The following LPP variants were observed in gnomAD, a reference collection of about 807,000 sequenced individuals.
The protein encoded by LPP is lipoma-preferred partner.
LPP carries 38 observed loss-of-function variants against 60.4 expected under a neutral mutation model. The ratio of observed to expected loss-of-function variants is 0.63; its 90% CI spans 0.49 to 0.83. The LOEUF (loss-of-function observed/expected upper bound fraction) is 0.83, where lower values mean the gene tolerates loss of function less well. Ranked by LOEUF, LPP falls within the 40% of genes least tolerant of loss-of-function variation. The pLI is 0.00. For missense variants in LPP, 902 were observed against 783.6 expected, an observed-to-expected ratio of 1.15 and a Z score of -1.80; for synonymous variants, 328 against 290.8, an observed-to-expected ratio of 1.13 and a Z score of -1.30.
At chr3:188,855,093 C>T (rs1763511926) in intron 9 of LPP, among the ~76,000 whole-genome samples, 1 of 152,166 alleles carries the variant, frequency 6.6e-6, no homozygotes, top group South Asian at 2.1e-4. Flanking sequence ...TAGACAAATA[C>T]TGTAAGTAAA....
chr3:188,231,711 A>G (rs969552403), intron 2 of LPP, among the ~76,000 whole-genome samples: 3 of 151,978 alleles, frequency 2.0e-5, no homozygotes, highest in Non-Finnish European at 4.4e-5. Context: ...ACCGCTCCAC[A>G]CAGTCTCTGC....
At chr3:188,670,293 G>C (rs1389734250) in intron 7 of LPP, among the ~76,000 whole-genome samples, 1 of 152,022 alleles carries the variant, frequency 6.6e-6, no homozygotes, top group Non-Finnish European at 1.5e-5. Flanking sequence ...AATTTAAAAA[G>C]TCACACTATT....
intron 6 of LPP, among the ~76,000 whole-genome samples, chr3:188,605,218 T>G (rs189809005): frequency 3.4e-4 from 52 of 152,294 alleles, no homozygotes; most frequent in Non-Finnish European, 6.2e-4. Context: ...TTGGATGTTT[T>G]TAGAGAATTC....
chr3:188,201,733 G>C (rs1177611010), intron 1 of LPP, among the ~76,000 whole-genome samples: 1 of 151,992 alleles, frequency 6.6e-6, no homozygotes, highest in Non-Finnish European at 1.5e-5. Context: ...AGCATAATGG[G>C]GTGTCTTCTG....
intron 9 of LPP, among the ~76,000 whole-genome samples, chr3:188,848,822 C>T (rs532864915): frequency 6.6e-6 from 1 of 152,032 alleles, no homozygotes; most frequent in East Asian, 1.9e-4. Context: ...AAAAATTAGC[C>T]GGGCATGGTG....
chr3:188,338,734 CTT>C lies in LPP; in HGVS notation c.-66-2928_-66-2927del, dbSNP rs564533802. Among the ~76,000 whole-genome samples the C allele has an allele frequency of 5.9e-3, 903 of 152,186 alleles. 11 individuals are homozygous for C. The highest frequency in any genetic ancestry group is 0.021 in the African/African-American group (876 of 41,530). Reference sequence around the variant, plus strand: ...TTAGTGGGAGTTTTTATAAGATACTCTTATATTGCTTATTGAGGTACTAAAGC... The same window carrying C: ...TTAGTGGGAGTTTTTATAAGATACTCATATTGCTTATTGAGGTACTAAAGC... On this transcript the variant is annotated intron_variant, in intron 2 of 11. Coordinates refer to ENST00000617246, the MANE Select transcript of LPP (RefSeq NM_001375462.1).
At chr3:188,659,141 A>G (rs1296942441) in intron 7 of LPP, among the ~76,000 whole-genome samples, 2 of 152,188 alleles carry the variant, frequency 1.3e-5, no homozygotes, top group African/African-American at 4.8e-5. Flanking sequence ...GTGTAAAATA[A>G]CCTGTTAGGT....
chr3:188,789,854 C>T (rs979166536), intron 9 of LPP, among the ~76,000 whole-genome samples: 2 of 151,992 alleles, frequency 1.3e-5, no homozygotes, highest in Non-Finnish European at 2.9e-5. Context: ...TAAAGAAATA[C>T]AGTTTAAAAT....
intron 7 of LPP, among the ~76,000 whole-genome samples, chr3:188,679,560 T>TGC (rs1207386010): frequency 6.9e-4 from 59 of 85,642 alleles, no homozygotes; most frequent in South Asian, 3.8e-3. Context: ...TGTGTGTGTG[T>TGC]GTGCGCGCGC....
At chr3:188,568,892 G>A (rs981818038) in intron 6 of LPP, 2 of 152,064 alleles carry the variant, frequency 1.3e-5, no homozygotes, top group African/African-American at 4.8e-5. Flanking sequence ...GGGCCTGAAG[G>A]GTGGAGAGGG....
At position 188,577,070 on chromosome 3, in the gene LPP, A is replaced by G. The variant is rs190594205; in HGVS notation, c.430-32091A>G. On this transcript the variant is annotated intron_variant, in intron 6 of 11. Transcript: ENST00000617246. ...AGAAAGGAGTAAGAAGCATTTTGGA[A>G]GTGGCAAAGTGGCAATAATCCCCTG... Among the ~76,000 whole-genome samples, 3 of 152,276 alleles carry G rather than the reference A, an allele frequency of 2.0e-5. No individual in the cohort carries two copies. In the East Asian group the frequency reaches 5.8e-4, roughly 29 times the overall value.
intron 5 of LPP, among the ~76,000 whole-genome samples, chr3:188,506,832 C>T (rs561520950): frequency 1.3e-5 from 2 of 152,166 alleles, no homozygotes; most frequent in South Asian, 4.2e-4. Context: ...GAGTCTTGCT[C>T]TGTTGCCCAG....
intron 2 of LPP, among the ~76,000 whole-genome samples, chr3:188,266,224 C>A (rs1177276670): frequency 1.3e-5 from 2 of 152,110 alleles, no homozygotes; most frequent in Non-Finnish European, 2.9e-5. Context: ...ATAAACCAGT[C>A]ACTCCAAAGG....
At chr3:188,497,455 C>T (rs1428159504) in intron 5 of LPP, among the ~76,000 whole-genome samples, 1 of 152,048 alleles carries the variant, frequency 6.6e-6, no homozygotes, top group Non-Finnish European at 1.5e-5. Flanking sequence ...TATGTCATCC[C>T]CATATTTAGA....
At chr3:188,662,595 G>T (rs1314464526) in intron 7 of LPP, among the ~76,000 whole-genome samples, 1 of 152,210 alleles carries the variant, frequency 6.6e-6, no homozygotes, top group Non-Finnish European at 1.5e-5. Context: ...TGACTTTATG[G>T]TAGCTATTAA....
intron 7 of LPP, among the ~76,000 whole-genome samples, chr3:188,678,876 C>G (rs950585876): frequency 1.3e-5 from 2 of 152,162 alleles, no homozygotes; most frequent in Non-Finnish European, 2.9e-5. Context: ...TATAAGTCTG[C>G]AGATGTAGGT....
chr3:188,451,010 A>C (rs753690560), intron 4 of LPP, among the ~76,000 whole-genome samples: 1 of 151,876 alleles, frequency 6.6e-6, no homozygotes, highest in Non-Finnish European at 1.5e-5. Context: ...ATCATAGTGC[A>C]TTTTAATATT....
At position 188,310,217 on chromosome 3, in the gene LPP, C is replaced by CT. The variant is rs556392757; in HGVS notation, c.-66-31430dup. Among the ~76,000 whole-genome samples the CT allele has an allele frequency of 8.1e-3, 1,083 of 133,626 alleles. 5 individuals carry two copies. The highest frequency in any genetic ancestry group is 0.028 in the South Asian group (118 of 4,142). 87.7% of individuals were successfully genotyped at this position (133,626 alleles called of 152,430 possible). A position where few individuals can be genotyped will look rare whatever the true frequency, so the allele number is the denominator to read the frequency against. ...GTGAGTTTTTGTTAAAGTTGTCTTTCTTTTTTTTTTTTTTTTCTTCTTCTG... is the reference window on the plus strand; with the variant it reads ...GTGAGTTTTTGTTAAAGTTGTCTTTCTTTTTTTTTTTTTTTTTCTTCTTCTG... On this transcript the variant is annotated intron_variant, in intron 2 of 11. Transcript: ENST00000617246.
rs1769028250 is a variant in LPP, at chr3:188,874,599, G to A, written c.*120G>A. 1 of 1,159,298 alleles carries A rather than the reference G, an allele frequency of 8.6e-7. No homozygotes were observed. Among genetic ancestry groups the A allele is most frequent in the Admixed American group, 2.5e-5 (1 of 39,424 alleles). 71.8% of individuals were successfully genotyped at this position (1,159,298 alleles called of 1,614,324 possible). A position where few individuals can be genotyped will look rare whatever the true frequency, so the allele number is the denominator to read the frequency against. ...CTGTTCTTCATCTGCTATTAACCTT[G>A]CCTTAGAAACACATAAATTATGAGA... On this transcript the variant is annotated 3_prime_UTR_variant, in exon 12 of 12. Coordinates refer to ENST00000617246, the MANE Select transcript of LPP (RefSeq NM_001375462.1).
Sources: gnomAD v4.1 joint callset for allele counts (sites outside exome capture counted in the v4.1 genomes callset) on GRCh38, gnomAD v4.1.1 for gene constraint, MANE v1.5 for transcripts, NCBI Gene and HGNC (gene_info 2026-07-23, HGNC 2026-07-21) for gene names.